ITGA4: variants seen among roughly 807,000 people sequenced by gnomAD.
The protein encoded by ITGA4 is integrin subunit alpha 4, also known as integrin alpha-4.
ITGA4 carries 63 observed loss-of-function variants against 133.6 expected under a neutral mutation model. That is an observed-to-expected ratio of 0.47 (90% confidence interval 0.38 to 0.58). ITGA4 has a LOEUF of 0.58. Among genes scored for constraint, ITGA4 ranks in the 20% least tolerant of loss-of-function variants. ITGA4 has a pLI of 0.00. For missense variants in ITGA4, 1,076 were observed against 1,252.7 expected, an observed-to-expected ratio of 0.86 and a Z score of 2.13; for synonymous variants, 483 against 438.0, an observed-to-expected ratio of 1.10 and a Z score of -1.28.
intron 14 of ITGA4, among the ~76,000 whole-genome samples, chr2:181,496,662 A>G (rs1686164825): frequency 6.6e-6 from 1 of 152,206 alleles, no homozygotes; most frequent in East Asian, 1.9e-4. Context: ...ATATGACTTT[A>G]TAAGTATTTT....
In ITGA4 at chr2:181,538,152, G is replaced by GTTTGTACATTTCTTT; in HGVS notation, c.*2627_*2641dup. ...CACATTTCTTTATATTAAAATTCTAGTTTGTACATTTCTTTTAGAAACAAT... is the reference window on the plus strand; with the variant it reads ...CACATTTCTTTATATTAAAATTCTAGTTTGTACATTTCTTTTTTGTACATTTCTTTTAGAAACAAT... On this transcript the variant is annotated 3_prime_UTR_variant, in exon 28 of 28. Transcript: ENST00000397033. 7.1e-7 allele frequency: 1 copy of GTTTGTACATTTCTTT among 1,409,374 alleles called. No homozygotes were observed. Among genetic ancestry groups the GTTTGTACATTTCTTT allele is most frequent in the Non-Finnish European group, 1.0e-6 (1 of 998,866 alleles). 87.3% of individuals were successfully genotyped at this position (1,409,374 alleles called of 1,614,324 possible). A position where few individuals can be genotyped will look rare whatever the true frequency, so the allele number is the denominator to read the frequency against.
chr2:181,495,486 A>G lies in ITGA4; in HGVS notation c.1385+70A>G. On this transcript the variant is annotated intron_variant, in intron 13 of 27. Transcript: ENST00000397033. The surrounding 1 kb of genome is among the most constrained non-coding windows in gnomAD (Gnocchi z 4.3). ...TGTAAAATGATGGGAGGTGGTGTTT[A>G]AAATCAGCAGTGGTAGTGACCTCAT... is the stretch of plus-strand genomic sequence containing the variant. The G allele has an allele frequency of 8.8e-7, 1 of 1,134,384 alleles. No homozygotes were observed. The highest frequency in any genetic ancestry group is 1.3e-6 in the Non-Finnish European group (1 of 744,418). 70.3% of individuals were successfully genotyped at this position (1,134,384 alleles called of 1,614,324 possible).
intron 4 of ITGA4, among the ~76,000 whole-genome samples, chr2:181,478,441 A>G (rs1685730853): frequency 6.6e-6 from 1 of 152,062 alleles, no homozygotes; most frequent in Admixed American, 6.6e-5. Flanking sequence ...CACCTTAGAT[A>G]TACACAGTAA....
chr2:181,460,111 A>G (rs1449813453), intron 2 of ITGA4, among the ~76,000 whole-genome samples: 4 of 152,224 alleles, frequency 2.6e-5, no homozygotes, highest in Admixed American at 2.0e-4. Context: ...AAATTTATCA[A>G]CCTGACTGAT....
chr2:181,519,227 T>C (rs577778017), intron 17 of ITGA4, among the ~76,000 whole-genome samples: 1 of 151,906 alleles, frequency 6.6e-6, no homozygotes, highest in Admixed American at 6.6e-5. Context: ...TACTCAAAGA[T>C]TACATTACAT....
intron 10 of ITGA4, among the ~76,000 whole-genome samples, chr2:181,489,802 C>T (rs1207621999): frequency 1.3e-5 from 2 of 152,138 alleles, no homozygotes; most frequent in Non-Finnish European, 2.9e-5. Flanking sequence ...CCACCCCACA[C>T]AACCTCTTTC....
rs771951928 is a variant in ITGA4, at chr2:181,495,429, T to A, written c.1385+13T>A. The A allele has an allele frequency of 3.1e-6, 5 of 1,590,618 alleles. No individual in the cohort carries two copies. The South Asian group carries it at 5.5e-5, about 18-fold the overall frequency. ...CTGTCTTGCTAAGGTAAGACTGATA[T>A]ATTTCACTGCTTAATTGCAATTTGG... is the stretch of plus-strand genomic sequence containing the variant. On this transcript the variant is annotated intron_variant, in intron 13 of 27. Coordinates refer to ENST00000397033, the MANE Select transcript of ITGA4 (RefSeq NM_000885.6). This position sits in a 1 kb window ranked among gnomAD's most constrained non-coding sequence, Gnocchi z 4.3.
At chr2:181,472,324 G>T (rs1685573584) in intron 2 of ITGA4, among the ~76,000 whole-genome samples, 1 of 152,134 alleles carries the variant, frequency 6.6e-6, no homozygotes, top group Non-Finnish European at 1.5e-5. Context: ...ATGGTACATT[G>T]TGGTTCTAAA....
chr2:181,478,613 T>A lies in ITGA4; in HGVS notation c.557-144T>A, dbSNP rs76783951. On this transcript the variant is annotated intron_variant, in intron 4 of 27. Transcript: ENST00000397033. ...TTTGAATACTAATATGGAAGGGATT[T>A]GTTATATCAAGGTTACTGGTTTTTA... 1.1e-3 allele frequency: 471 copies of A among 417,304 alleles called. 3 individuals carry two copies. The highest frequency in any genetic ancestry group is 8.7e-3 in the African/African-American group (421 of 48,586). The allele number at this position is 417,304 out of a possible 1,614,324, so 25.9% of individuals were successfully genotyped here. A position where few individuals can be genotyped will look rare whatever the true frequency, so the allele number is the denominator to read the frequency against.
At chr2:181,496,681 G>A (rs745786498) in intron 14 of ITGA4, among the ~76,000 whole-genome samples, 4 of 152,170 alleles carry the variant, frequency 2.6e-5, no homozygotes, top group Non-Finnish European at 4.4e-5. Context: ...TTTGCTAGCA[G>A]ATTAATGTTC....
intron 10 of ITGA4, among the ~76,000 whole-genome samples, chr2:181,488,199 A>G (rs919813237): frequency 6.6e-6 from 1 of 152,198 alleles, no homozygotes; most frequent in African/African-American, 2.4e-5. Context: ...TACCTGGGAA[A>G]AGCCCAAGTA....
chr2:181,460,566 AGTGTGTGTGTGTGTGTGTGTGT>A, intron 2 of ITGA4, among the ~76,000 whole-genome samples: 1 of 148,070 alleles, frequency 6.8e-6, no homozygotes, highest in East Asian at 2.0e-4. Flanking sequence ...TCTGTAGAAG[AGTGTGTGTGTGTGTGTGTGTGT>A]GTGTGTGTGT....
intron 17 of ITGA4, among the ~76,000 whole-genome samples, chr2:181,515,347 G>A (rs1477700332): frequency 6.6e-6 from 1 of 152,030 alleles, no homozygotes; most frequent in Non-Finnish European, 1.5e-5. Context: ...CAGGCCAAGT[G>A]CCTAGTGCAA....
chr2:181,522,228 ATGAAGACAT>A lies in ITGA4; in HGVS notation c.1964_1972del (p.Lys655_Leu657del), dbSNP rs1224497228. On this transcript the variant is annotated inframe_deletion, in exon 18 of 28. Coordinates refer to ENST00000397033, the MANE Select transcript of ITGA4 (RefSeq NM_000885.6). ...TAAAACATATCTTGCTGTTGGGAGTATGAAGACATTGATGTTGAATGTGTCCTTGTTTAA... is the reference window on the plus strand; with the variant it reads ...TAAAACATATCTTGCTGTTGGGAGTATGATGTTGAATGTGTCCTTGTTTAA... 1 of 1,594,514 alleles carries A rather than the reference ATGAAGACAT, an allele frequency of 6.3e-7. No homozygotes were observed. Among genetic ancestry groups the A allele is most frequent in the Non-Finnish European group, 8.6e-7 (1 of 1,165,690 alleles).
chr2:181,511,203 ACC>A (rs1249816839), intron 16 of ITGA4, among the ~76,000 whole-genome samples: 5 of 94,494 alleles, frequency 5.3e-5, no homozygotes, highest in Non-Finnish European at 1.1e-4. Flanking sequence ...AAATTCTGAA[ACC>A]CTTACTTATT....
At chr2:181,520,931 ACT>A (rs1686705898) in intron 17 of ITGA4, among the ~76,000 whole-genome samples, 2 of 152,078 alleles carry the variant, frequency 1.3e-5, no homozygotes, top group South Asian at 2.1e-4. Context: ...GTCCTTACAT[ACT>A]CTGTCTTTAA....
intron 2 of ITGA4, among the ~76,000 whole-genome samples, chr2:181,463,626 T>C (rs1685340634): frequency 6.6e-6 from 1 of 152,048 alleles, no homozygotes. Flanking sequence ...TCCAATATAC[T>C]GAAAAAGGGA....
intron 10 of ITGA4, among the ~76,000 whole-genome samples, chr2:181,489,564 C>A (rs1174221141): frequency 1.3e-5 from 2 of 152,050 alleles, no homozygotes; most frequent in African/African-American, 4.8e-5. Flanking sequence ...AGAGCAGAAC[C>A]ATAACAAGTT....
At chr2:181,526,820 C>CTTTTTTTTTTTTTTTTTTTT (rs1559056789) in intron 21 of ITGA4, among the ~76,000 whole-genome samples, 1 of 27,852 alleles carries the variant, frequency 3.6e-5, no homozygotes, top group African/African-American at 7.6e-5. Flanking sequence ...GAGCACATGG[C>CTTTTTTTTTTTTTTTTTTTT]CTTTTTTTTT....
Sources: allele counts gnomAD v4.1 joint callset (sites outside exome capture counted in the v4.1 genomes callset), GRCh38; gene constraint gnomAD v4.1.1; non-coding constraint Gnocchi (gnomAD v3.1); transcripts MANE v1.5; gene names NCBI Gene and HGNC (gene_info 2026-07-23, HGNC 2026-07-21).